CEBPZ: variants seen among roughly 807,000 people sequenced by gnomAD.
The protein encoded by CEBPZ is CCAAT/enhancer-binding protein zeta.
In CEBPZ, 78 loss-of-function variants were observed where a neutral mutation model predicts 104.5. The observed-to-expected ratio is 0.75, with a 90% CI of 0.62 to 0.90. The LOEUF is 0.90. CEBPZ is among the 40% of genes least tolerant of loss of function. The pLI, the probability that CEBPZ is intolerant of heterozygous loss-of-function variation, is 0.00. For synonymous variants in CEBPZ, 470 were observed against 427.0 expected, an observed-to-expected ratio of 1.10 and a Z score of -1.24; for missense variants, 1,439 against 1,233.5, an observed-to-expected ratio of 1.17 and a Z score of -2.50.
chr2:37,216,793 T>C (rs749691478), intron 6 of CEBPZ, among the ~76,000 whole-genome samples, 191 bp downstream of exon 6: 3 of 152,172 alleles, frequency 2.0e-5, no homozygotes, highest in Non-Finnish European at 4.4e-5. Flanking sequence ...CAATGTCTTA[T>C]TGCTTCCACT....
Position 37,228,479 on chromosome 2 carries a change from A to AATTGCCTTCATCT in CEBPZ, c.713_714insAGATGAAGGCAAT (p.Val239AspfsTer12). The AATTGCCTTCATCT allele has an allele frequency of 6.2e-7, 1 of 1,614,224 alleles. No homozygotes were observed. The highest frequency in any genetic ancestry group is 8.5e-7 in the Non-Finnish European group (1 of 1,180,032). On this transcript the variant is annotated frameshift_variant, in exon 2 of 16. Coordinates refer to ENST00000234170, the MANE Select transcript of CEBPZ (RefSeq NM_005760.3). LOFTEE classifies it high-confidence loss of function. ...TGTCACCTAGTGTCCCCGATGACAC[A>AATTGCCTTCATCT]ATTGCCTTCATCCAGGTAGAAGAGG...
intron 6 of CEBPZ, 127 bp from the exon 7 acceptor site, chr2:37,216,545 C>T: frequency 1.5e-6 from 1 of 666,730 alleles, no homozygotes; most frequent in Non-Finnish European, 2.6e-6. Context: ...ATAAATGACT[C>T]TTCAAATATC....
Position 37,221,808 on chromosome 2 carries a change from T to C in CEBPZ, c.2065+572A>G, listed in dbSNP as rs966751190. On this transcript the variant is annotated intron_variant, in intron 4 of 15. Transcript: ENST00000234170. ...CTGAAGAAATGGGTCTGGCACCACA[T>C]TTCTCGAACCTCAAGGCTGGTGTTT... 4.6e-5 allele frequency among the ~76,000 whole-genome samples: 7 copies of C among 152,226 alleles called. No individual in the cohort carries two copies. In the East Asian group the frequency reaches 1.2e-3, roughly 25 times the overall value.
chr2:37,220,610 C>CT (rs1395585191), intron 4 of CEBPZ, 137 bp from the exon 5 acceptor site: 3 of 441,870 alleles, frequency 6.8e-6, no homozygotes, highest in African/African-American at 2.0e-5. Context: ...ATTAAAAACT[C>CT]TGAGCTCCCT....
In CEBPZ at chr2:37,215,935, T is replaced by G. The variant is rs115271100; in HGVS notation, c.2380+205A>C. Among the ~76,000 whole-genome samples, 968 of 148,590 alleles carry G rather than the reference T, an allele frequency of 6.5e-3. 13 individuals are homozygous for G. Among genetic ancestry groups the G allele is most frequent in the African/African-American group, 0.023 (931 of 40,184 alleles). The stretch of plus-strand genomic sequence containing the variant: ...TTGTTTATTTTGGATATGTTTCAAA[T>G]TTGCTGTAATAAAGTTAAAAAAAAA... On this transcript the variant is annotated intron_variant, in intron 8 of 15. Coordinates refer to ENST00000234170, the MANE Select transcript of CEBPZ (RefSeq NM_005760.3).
Position 37,228,320 on chromosome 2 carries a change from C to T in CEBPZ, c.873G>A (p.Glu291=), listed in dbSNP as rs755185030. Reference sequence around the variant, plus strand: ...CTGGCAAAAGGTCTGTGATAAGCAACTCTTTGAAAGTATCCAAGGCCATAA... The same window carrying T: ...CTGGCAAAAGGTCTGTGATAAGCAATTCTTTGAAAGTATCCAAGGCCATAA... The part of the protein sequence containing the change: ...QCLMALDTFK[E]LLITDLLPDN... The change falls in exon 2 of 16, where the codon GAG becomes GAA. Residue 291 remains glutamate (E), a synonymous_variant. Coordinates refer to ENST00000234170, the MANE Select transcript of CEBPZ (RefSeq NM_005760.3). The T allele has an allele frequency of 4.3e-6, 7 of 1,614,088 alleles. No homozygotes were observed. The South Asian group carries it at 7.7e-5, about 18-fold the overall frequency.
In CEBPZ at chr2:37,211,069, G is replaced by A. The variant is rs748459356; in HGVS notation, c.2814C>T (p.His938=). The change falls in exon 13 of 16, where the codon CAC becomes CAT. Residue 938 remains histidine (H), a synonymous_variant. Coordinates refer to ENST00000234170, the MANE Select transcript of CEBPZ (RefSeq NM_005760.3). ...TGCTTTTCTTAGTACTGACTTTGGA[G>A]TGGACTTCAAGTTCTGTTACACGAA... ...ESESVPELEV[H]SKVSTKKSKR... The A allele has an allele frequency of 6.2e-6, 10 of 1,608,420 alleles. No individual in the cohort carries two copies. In the Admixed American group the frequency reaches 1.4e-4, roughly 22 times the overall value.
rs138013608 is a variant in CEBPZ, at chr2:37,216,416, T to A, written c.2211A>T (p.Gly737=). The change falls in exon 7 of 16, where the codon GGA becomes GGT. Residue 737 remains glycine, a splice_region_variant and synonymous_variant. Transcript: ENST00000234170. ...VALFAKTILQ[G]NYIQYSGDPL... is the part of the protein sequence containing the mutation. ...GGTCCCCTGAATACTGAATATAGTT[T>A]CCCTGAAAAGTGGAGCGGGGATTTA... 2.4e-5 allele frequency: 38 copies of A among 1,603,996 alleles called. No homozygotes were observed. The African/African-American group carries it at 3.8e-4, about 16-fold the overall frequency.
intron 2 of CEBPZ, 65 bp from the exon 3 acceptor site, chr2:37,223,466 A>G: frequency 7.3e-7 from 1 of 1,373,116 alleles, no homozygotes; most frequent in South Asian, 1.2e-5. Context: ...ATGGTCACAT[A>G]TTAGAAATAG....
chr2:37,230,072 A>T (rs1665011917), intron 1 of CEBPZ, among the ~76,000 whole-genome samples: 1 of 152,210 alleles, frequency 6.6e-6, no homozygotes, highest in Non-Finnish European at 1.5e-5. Context: ...CTGTAGTATT[A>T]TTTAAAATAG....
intron 5 of CEBPZ, among the ~76,000 whole-genome samples, chr2:37,219,297 A>G (rs999470785): frequency 1.3e-5 from 2 of 152,208 alleles, no homozygotes; most frequent in African/African-American, 4.8e-5. Flanking sequence ...TATGTTACGC[A>G]TACTTGCTAT....
At chr2:37,216,051 C>T in intron 8 of CEBPZ, 89 bp downstream of exon 8, 4 of 973,652 alleles carry the variant, frequency 4.1e-6, no homozygotes, top group Non-Finnish European at 6.0e-6. Context: ...AGGTTTTATT[C>T]TGATAAATTA....
chr2:37,210,417 T>G (rs113070020), intron 13 of CEBPZ: 2 of 152,240 alleles, frequency 1.3e-5, no homozygotes, highest in African/African-American at 4.8e-5. Context: ...GTGGTATACA[T>G]ATACCATGGA....
intron 8 of CEBPZ, among the ~76,000 whole-genome samples, chr2:37,215,751 T>C (rs1677851808): frequency 6.6e-6 from 1 of 152,110 alleles, no homozygotes; most frequent in South Asian, 2.1e-4. Flanking sequence ...CTGTGGGTTT[T>C]TGTGCTGCTA....
At chr2:37,209,018 A>T (rs927662353) in intron 13 of CEBPZ, 2 of 148,292 alleles carry the variant, frequency 1.3e-5, no homozygotes, top group Non-Finnish European at 3.0e-5. Flanking sequence ...GAATCAAATC[A>T]ATTACTCTAC....
chr2:37,212,345 C>T lies in CEBPZ; in HGVS notation c.2593G>A (p.Asp865Asn). 1 of 1,613,478 alleles carries T rather than the reference C, an allele frequency of 6.2e-7. No individual in the cohort carries two copies. The change falls in exon 11 of 16, where the codon GAT (aspartate) becomes AAT (asparagine). Residue 865 changes from aspartate (D) to asparagine (N), a missense_variant. Physicochemically the swap from Asp to Asn is conservative, Grantham distance 23. Coordinates refer to ENST00000234170, the MANE Select transcript of CEBPZ (RefSeq NM_005760.3). ...NCFSSGKDDM[D>N]FAGNVKKRTK... ...ATAGAAGTATGTTACCCAGCAAAAT[C>T]CATATCATCCTTTCCAGAGCTGAAA...
intron 2 of CEBPZ, among the ~76,000 whole-genome samples, chr2:37,225,427 TTC>T (rs1239163682): frequency 2.7e-5 from 4 of 150,880 alleles, no homozygotes; most frequent in Non-Finnish European, 5.9e-5. Flanking sequence ...TGCCTTGAGA[TTC>T]TGTTAATCTA....
Position 37,202,811 on chromosome 2 carries a change from T to G in CEBPZ, c.2998A>C (p.Asn1000His). The change falls in exon 15 of 16, where the codon AAT becomes CAT. Residue 1000 changes from asparagine (N) to histidine (H), a missense_variant. Coordinates refer to ENST00000234170, the MANE Select transcript of CEBPZ (RefSeq NM_005760.3). ...MGSKFDNIGMNAMANKDNASL... is the reference protein window; with the variant it reads ...MGSKFDNIGMHAMANKDNASL... ...GCATTATCTTTGTTAGCCATGGCAT[T>G]CATGCCAATGTTATCAAACTTGGAT... 6.3e-7 allele frequency: 1 copy of G among 1,593,936 alleles called. No homozygotes were observed. The highest frequency in any genetic ancestry group is 8.5e-7 in the Non-Finnish European group (1 of 1,170,388).
chr2:37,210,253 T>C (rs1302662812), intron 13 of CEBPZ: 3 of 152,252 alleles, frequency 2.0e-5, no homozygotes, highest in Admixed American at 2.0e-4. Flanking sequence ...AACTATCATT[T>C]GATCTAGCAA....
Sources: gnomAD v4.1 joint callset for allele counts (sites outside exome capture counted in the v4.1 genomes callset) on GRCh38, gnomAD v4.1.1 for gene constraint, MANE v1.5 for transcripts, NCBI Gene and HGNC (gene_info 2026-07-23, HGNC 2026-07-21) for gene names.